The following CPQ variants were observed in gnomAD, a reference collection of about 807,000 sequenced individuals.
CPQ encodes the protein Ser-Met dipeptidase.
Under a neutral mutation model 45.7 loss-of-function variants are expected in CPQ, and 37 were observed. The ratio of observed to expected loss-of-function variants is 0.81; its 90% confidence interval spans 0.62 to 1.07. CPQ has a LOEUF of 1.07. Among genes scored for constraint, CPQ ranks in the 50% least tolerant of loss-of-function variants. The pLI is 0.00. For synonymous variants in CPQ, 186 were observed against 205.8 expected (o/e 0.90, Z 0.82); for missense variants, 537 against 572.9 (o/e 0.94, Z 0.64).
intron 4 of CPQ, among the ~76,000 whole-genome samples, chr8:96,903,917 T>A (rs1245160572): frequency 6.6e-6 from 1 of 152,206 alleles, no homozygotes; most frequent in African/African-American, 2.4e-5. Flanking sequence ...GCTGCTGGTG[T>A]TTGGAGTGTC....
chr8:97,095,456 G>C (rs1811195289), intron 7 of CPQ, among the ~76,000 whole-genome samples: 2 of 152,038 alleles, frequency 1.3e-5, no homozygotes, highest in Non-Finnish European at 2.9e-5. Context: ...TGCTGCCTTA[G>C]TTAAGGCACT....
At chr8:96,902,392 C>T (rs1014822759) in intron 4 of CPQ, among the ~76,000 whole-genome samples, 2 of 152,184 alleles carry the variant, frequency 1.3e-5, no homozygotes, top group Admixed American at 6.5e-5. Context: ...CTGAGCCTGA[C>T]TTCAAACCTC....
chr8:96,872,875 A>C (rs1404678284), intron 3 of CPQ, among the ~76,000 whole-genome samples: 1 of 151,890 alleles, frequency 6.6e-6, no homozygotes, highest in Non-Finnish European at 1.5e-5. Context: ...TAGCTATTTT[A>C]ACTTTTCTTT....
At position 97,029,498 on chromosome 8, in the gene CPQ, A is replaced by C. The variant is rs757010486; in HGVS notation, c.1053+4A>C. ...CCAGTATTATCAGTTACACAAGGTA[A>C]AAACCCAGCTGTGGATTGCTAAGCA... is the stretch of plus-strand genomic sequence containing the variant. On this transcript the variant is annotated splice_donor_region_variant and intron_variant, in intron 6 of 7. Coordinates refer to ENST00000220763, the MANE Select transcript of CPQ (RefSeq NM_016134.4). 1.3e-6 allele frequency: 2 copies of C among 1,599,216 alleles called. No homozygotes were observed. The highest frequency in any genetic ancestry group is 2.3e-5 in the South Asian group (2 of 88,626).
intron 5 of CPQ, among the ~76,000 whole-genome samples, chr8:96,978,942 T>A (rs1813835904): frequency 6.6e-6 from 1 of 151,614 alleles, no homozygotes; most frequent in South Asian, 2.1e-4. Context: ...GTCAGGCAAA[T>A]AATATGGACA....
chr8:96,993,971 G>C (rs1459267817), intron 5 of CPQ, among the ~76,000 whole-genome samples: 1 of 152,148 alleles, frequency 6.6e-6, no homozygotes, highest in Non-Finnish European at 1.5e-5. Flanking sequence ...CTGAAGGACT[G>C]TGAAGGGGAG....
At chr8:97,073,469 C>T in intron 7 of CPQ, among the ~76,000 whole-genome samples, 1 of 152,196 alleles carries the variant, frequency 6.6e-6, no homozygotes, top group East Asian at 1.9e-4. Flanking sequence ...GGTGAAAACA[C>T]TGTACAGTGA....
chr8:96,887,796 A>G (rs1220203647), intron 4 of CPQ, among the ~76,000 whole-genome samples: 2 of 152,172 alleles, frequency 1.3e-5, no homozygotes, highest in Non-Finnish European at 2.9e-5. Context: ...TTGGCGGTTG[A>G]TGGTATTCAA....
At chr8:97,128,111 AT>A (rs1811877299) in intron 7 of CPQ, among the ~76,000 whole-genome samples, 1 of 152,190 alleles carries the variant, frequency 6.6e-6, no homozygotes, top group Admixed American at 6.5e-5. Context: ...AGAAGCAGCT[AT>A]TTTGTTGTTC....
At chr8:96,744,040 C>G (rs1238321521) in intron 1 of CPQ, among the ~76,000 whole-genome samples, 1 of 152,234 alleles carries the variant, frequency 6.6e-6, no homozygotes, top group Non-Finnish European at 1.5e-5. Context: ...TTTACCCAAG[C>G]AAGCCTGGGC....
intron 1 of CPQ, among the ~76,000 whole-genome samples, chr8:96,658,926 A>G (rs1206280121): frequency 6.6e-6 from 1 of 152,256 alleles, no homozygotes; most frequent in African/African-American, 2.4e-5. Context: ...ACAGTGTCAG[A>G]CTTCTGACCT....
intron 5 of CPQ, among the ~76,000 whole-genome samples, chr8:96,996,701 A>G (rs1345898064): frequency 1.3e-5 from 2 of 151,962 alleles, no homozygotes; most frequent in African/African-American, 4.8e-5. Flanking sequence ...CCTGTTTTCA[A>G]CCAGTTGCTT....
At chr8:96,690,609 T>G (rs1809293236) in intron 1 of CPQ, among the ~76,000 whole-genome samples, 1 of 152,224 alleles carries the variant, frequency 6.6e-6, no homozygotes, top group Non-Finnish European at 1.5e-5. Flanking sequence ...CTTTGGAAGA[T>G]TGTTTTCTGC....
chr8:96,661,729 T>C (rs1041534644), intron 1 of CPQ, among the ~76,000 whole-genome samples: 1 of 152,242 alleles, frequency 6.6e-6, no homozygotes, highest in East Asian at 1.9e-4. Context: ...TTGGCAATTA[T>C]GAATAAAGCT....
At chr8:96,926,378 G>A (rs1406578211) in intron 4 of CPQ, among the ~76,000 whole-genome samples, 1 of 152,094 alleles carries the variant, frequency 6.6e-6, no homozygotes, top group Non-Finnish European at 1.5e-5. Flanking sequence ...GGGAGTGAGG[G>A]AATCTTTCTA....
chr8:96,944,190 A>G (rs894127109), intron 4 of CPQ, among the ~76,000 whole-genome samples: 1 of 152,020 alleles, frequency 6.6e-6, no homozygotes, highest in Non-Finnish European at 1.5e-5. Context: ...TGAATCCCGG[A>G]GTTCTGTCTA....
intron 1 of CPQ, among the ~76,000 whole-genome samples, chr8:96,777,726 AT>A: frequency 2.1e-4 from 1 of 4,668 alleles, no homozygotes; most frequent in Admixed American, 3.7e-3. Flanking sequence ...CTTAGAAAAT[AT>A]ATATATATAT....
intron 1 of CPQ, among the ~76,000 whole-genome samples, chr8:96,774,534 A>G (rs985189086): frequency 1.3e-5 from 2 of 152,124 alleles, no homozygotes; most frequent in African/African-American, 4.8e-5. Flanking sequence ...AGTGATGGTA[A>G]GAGTGAAGAG....
chr8:96,795,763 T>C (rs937224136), intron 2 of CPQ, among the ~76,000 whole-genome samples: 1 of 152,056 alleles, frequency 6.6e-6, no homozygotes, highest in African/African-American at 2.4e-5. Context: ...TCTTTTAATG[T>C]AGAAAGAAGT....
Sources: allele counts gnomAD v4.1 joint callset (sites outside exome capture counted in the v4.1 genomes callset), GRCh38; gene constraint gnomAD v4.1.1; transcripts MANE v1.5; gene names NCBI Gene and HGNC (gene_info 2026-07-23, HGNC 2026-07-21).